PTPRM: variants seen among roughly 807,000 people sequenced by gnomAD.
PTPRM encodes protein tyrosine phosphatase receptor type M.
A neutral mutation model predicts 186.7 loss-of-function variants in PTPRM; 47 were observed. The ratio of observed to expected loss-of-function variants is 0.25; its 90% CI spans 0.20 to 0.32. The LOEUF (loss-of-function observed/expected upper bound fraction) is 0.32, where lower values mean the gene tolerates loss of function less well. PTPRM is among the 10% of genes least tolerant of loss of function. The probability of loss-of-function intolerance (pLI) is 1.00; values close to 1 mark genes in which losing one functional copy is unlikely to be tolerated. For missense variants in PTPRM, 1,494 were observed against 1,865.0 expected (o/e 0.80, Z 3.66); for synonymous variants, 668 against 674.9 (o/e 0.99, Z 0.16).
At position 7,929,985 on chromosome 18, in the gene PTPRM, C is replaced by T. The variant is rs141388173; in HGVS notation, c.663+3302C>T. On this transcript the variant is annotated intron_variant, in intron 5 of 32. Transcript: ENST00000580170. ...CTTATTTTTAGTTTTTTCTGTGATT[C>T]GAATCTCTCTCAAGAGTGAGTCAAT... 2.7e-3 allele frequency among the ~76,000 whole-genome samples: 407 copies of T among 152,230 alleles called. 5 individuals are homozygous for T. The highest frequency in any genetic ancestry group is 8.7e-3 in the African/African-American group (362 of 41,558).
intron 2 of PTPRM, among the ~76,000 whole-genome samples, chr18:7,783,003 A>T (rs1288423316): frequency 6.6e-6 from 1 of 152,218 alleles, no homozygotes; most frequent in Non-Finnish European, 1.5e-5. Flanking sequence ...AAAGTATACA[A>T]ATTAGCCTGT....
intron 13 of PTPRM, among the ~76,000 whole-genome samples, chr18:8,130,063 A>T (rs1355525989): frequency 6.6e-6 from 1 of 152,176 alleles, no homozygotes; most frequent in Non-Finnish European, 1.5e-5. Flanking sequence ...TCATGTTAAA[A>T]ATATCACCTA....
intron 13 of PTPRM, among the ~76,000 whole-genome samples, chr18:8,117,031 A>G (rs2091982723): frequency 6.6e-6 from 1 of 152,112 alleles, no homozygotes; most frequent in African/African-American, 2.4e-5. Context: ...GCAAAACTAC[A>G]CTGTTTTGTG....
chr18:7,836,092 A>G (rs994595457), intron 2 of PTPRM, among the ~76,000 whole-genome samples: 2 of 152,102 alleles, frequency 1.3e-5, no homozygotes, highest in Admixed American at 1.3e-4. Context: ...AGTCCTTTAC[A>G]TTCAATGTTA....
chr18:7,700,975 CAAA>C (rs1262649146), intron 1 of PTPRM, among the ~76,000 whole-genome samples: 2 of 61,006 alleles, frequency 3.3e-5, no homozygotes, highest in African/African-American at 1.3e-4. Flanking sequence ...GAGCCTATCT[CAAA>C]AAAAAAAAAA....
At chr18:7,584,704 G>C (rs1223390173) in intron 1 of PTPRM, among the ~76,000 whole-genome samples, 2 of 152,168 alleles carry the variant, frequency 1.3e-5, no homozygotes, top group Non-Finnish European at 2.9e-5. Flanking sequence ...GTCCTCCATG[G>C]CTGGAAGAAT....
intron 9 of PTPRM, among the ~76,000 whole-genome samples, chr18:8,083,146 T>A (rs2090234408): frequency 6.6e-6 from 1 of 152,154 alleles, no homozygotes; most frequent in Non-Finnish European, 1.5e-5. Context: ...CCCTACTACT[T>A]CAATTGCCCC....
At chr18:7,757,574 G>A (rs2041560654) in intron 1 of PTPRM, among the ~76,000 whole-genome samples, 1 of 152,050 alleles carries the variant, frequency 6.6e-6, no homozygotes. Context: ...TAAGCCTCTG[G>A]GGCTCATCTG....
At chr18:7,933,055 C>A (rs2051580013) in intron 5 of PTPRM, among the ~76,000 whole-genome samples, 1 of 152,228 alleles carries the variant, frequency 6.6e-6, no homozygotes, top group Non-Finnish European at 1.5e-5. Context: ...CATGAATCAT[C>A]CCTTTGTCCA....
chr18:7,688,110 G>A (rs560311482), intron 1 of PTPRM, among the ~76,000 whole-genome samples: 2 of 152,138 alleles, frequency 1.3e-5, no homozygotes, highest in Admixed American at 6.5e-5. Flanking sequence ...TTCTCTAGTC[G>A]TGCCTTCATG....
chr18:7,678,318 T>C (rs1014919965), intron 1 of PTPRM, among the ~76,000 whole-genome samples: 1 of 152,164 alleles, frequency 6.6e-6, no homozygotes, highest in African/African-American at 2.4e-5. Flanking sequence ...CTCCAGCTAA[T>C]GTTTCAAAGC....
intron 14 of PTPRM, among the ~76,000 whole-genome samples, chr18:8,146,423 TA>T (rs1369002548): frequency 6.6e-6 from 1 of 152,190 alleles, no homozygotes; most frequent in Non-Finnish European, 1.5e-5. Context: ...AGCATTTTTT[TA>T]TATGTTGGTT....
intron 1 of PTPRM, among the ~76,000 whole-genome samples, chr18:7,628,972 A>T (rs1246094357): frequency 6.6e-6 from 1 of 152,212 alleles, no homozygotes; most frequent in Non-Finnish European, 1.5e-5. Context: ...TGCTGGTTTC[A>T]TGACCACTGT....
intron 8 of PTPRM, among the ~76,000 whole-genome samples, chr18:8,070,297 G>A (rs8090396): frequency 0.033 from 5,065 of 152,066 alleles, 282 homozygotes; most frequent in African/African-American, 0.12. Flanking sequence ...TTGGGTATTA[G>A]ATTATTTATA....
chr18:8,084,504 C>T (rs147790021), intron 9 of PTPRM, among the ~76,000 whole-genome samples: 265 of 152,220 alleles, frequency 1.7e-3, no homozygotes, highest in Non-Finnish European at 3.4e-3. Flanking sequence ...ATATATATAG[C>T]AAACAGTTTT....
rs147117345 is a variant in PTPRM, at chr18:7,586,090, C to T, written c.73+18199C>T. ...CTGGAAATCAACTGAAGCAAAGTGG[C>T]CAAGATCAGGCAAATTGTAAGGGTA... On this transcript the variant is annotated intron_variant, in intron 1 of 32. Transcript: ENST00000580170. Among the ~76,000 whole-genome samples, 1,509 of 152,232 alleles carry T rather than the reference C, an allele frequency of 9.9e-3. 6 individuals carry two copies. Among genetic ancestry groups the T allele is most frequent in the Non-Finnish European group, 0.016 (1,102 of 68,020 alleles).
chr18:8,272,929 G>A (rs1184898365), intron 19 of PTPRM, among the ~76,000 whole-genome samples: 2 of 152,066 alleles, frequency 1.3e-5, no homozygotes, highest in African/African-American at 4.8e-5. Context: ...CTTTTAAAGT[G>A]AATTTAACAT....
intron 1 of PTPRM, among the ~76,000 whole-genome samples, chr18:7,757,597 C>G (rs564456424): frequency 1.3e-5 from 2 of 152,022 alleles, no homozygotes; most frequent in African/African-American, 4.8e-5. Flanking sequence ...CTTGGGAAGC[C>G]AAGTAAAAAC....
At chr18:7,985,303 TA>T (rs2082873833) in intron 7 of PTPRM, among the ~76,000 whole-genome samples, 3 of 103,506 alleles carry the variant, frequency 2.9e-5, no homozygotes, top group Non-Finnish European at 3.9e-5. Flanking sequence ...ATACATATAA[TA>T]GTATATACAC....
Sources: allele counts gnomAD v4.1 joint callset (sites outside exome capture counted in the v4.1 genomes callset), GRCh38; gene constraint gnomAD v4.1.1; transcripts MANE v1.5; gene names NCBI Gene and HGNC (gene_info 2026-07-23, HGNC 2026-07-21).